CIITA: variants seen among roughly 807,000 people sequenced by gnomAD.
CIITA encodes MHC class II transactivator.
CIITA carries 72 observed loss-of-function variants against 115.1 expected under a neutral mutation model. That is an observed-to-expected ratio of 0.63 (90% CI 0.52 to 0.76). CIITA has a LOEUF of 0.76. Among genes scored for constraint, CIITA ranks in the 30% least tolerant of loss-of-function variants. The probability of loss-of-function intolerance (pLI) is 0.00; values close to 1 mark genes in which losing one functional copy is unlikely to be tolerated. For synonymous variants in CIITA, 763 were observed against 635.6 expected, an observed-to-expected ratio of 1.20 and a Z score of -3.02; for missense variants, 1,617 against 1,463.8, an observed-to-expected ratio of 1.10 and a Z score of -1.71.
intron 1 of CIITA, among the ~76,000 whole-genome samples, chr16:10,880,400 GA>G (rs923278309): frequency 5.9e-5 from 9 of 152,352 alleles, no homozygotes; most frequent in African/African-American, 1.9e-4. Context: ...GAGACACTGG[GA>G]GGCGCTGATG....
chr16:10,899,315 C>T (rs149290342), intron 5 of CIITA, among the ~76,000 whole-genome samples: 59 of 152,326 alleles, frequency 3.9e-4, no homozygotes, highest in Admixed American at 1.4e-3. Context: ...TTTCAAGCCT[C>T]GGGGCCTTTG....
intron 2 of CIITA, 82 bp downstream of exon 2, chr16:10,895,510 G>C: frequency 1.3e-6 from 2 of 1,592,226 alleles, no homozygotes; most frequent in Middle Eastern, 1.7e-4. Context: ...GGAAATTCTG[G>C]TCCCTGCCCT....
At chr16:10,886,600 C>G (rs532263816) in intron 1 of CIITA, among the ~76,000 whole-genome samples, 1 of 152,208 alleles carries the variant, frequency 6.6e-6, no homozygotes, top group Non-Finnish European at 1.5e-5. Context: ...CCCACAAACC[C>G]GTGTAACCAA....
intron 3 of CIITA, among the ~76,000 whole-genome samples, chr16:10,896,780 A>G (rs1022493659): frequency 2.6e-5 from 4 of 152,268 alleles, no homozygotes; most frequent in African/African-American, 9.6e-5. Flanking sequence ...AGCAGCATTC[A>G]GCAGTTCTGT....
rs2040644823 is a variant in CIITA, at chr16:10,928,784, G to C, written c.*4929G>C. 1 of 152,336 alleles carries C rather than the reference G, an allele frequency of 6.6e-6. No homozygotes were observed. Among genetic ancestry groups the C allele is most frequent in the Non-Finnish European group, 1.5e-5 (1 of 68,086 alleles). 9.4% of individuals were successfully genotyped at this position (152,336 alleles called of 1,614,324 possible). On this transcript the variant is annotated 3_prime_UTR_variant, in exon 20 of 20. Transcript: ENST00000324288. ...CTTTCACGCCAGCCCGACTGGGGCAGACTCTCTCAACCCCACTGGATCTTC... is the reference window on the plus strand; with the variant it reads ...CTTTCACGCCAGCCCGACTGGGGCACACTCTCTCAACCCCACTGGATCTTC...
In CIITA at chr16:10,923,299, G is replaced by A. The variant is rs1032824240; in HGVS notation, c.3389G>A (p.Arg1130Lys). ...CAACAGGATTCACGGATCAGCCTGAGATGATCCCAGCTGTGCTCTGGACAG... is the reference window on the plus strand; with the variant it reads ...CAACAGGATTCACGGATCAGCCTGAAATGATCCCAGCTGTGCTCTGGACAG... ...LQQQDSRISL[R>K] Residue 1130 changes from arginine (R) to lysine (K), a missense_variant, in exon 19 of 20, where the codon AGA becomes AAA. By Grantham distance (26) the Arg-to-Lys change is conservative. Transcript: ENST00000324288. The surrounding 1 kb of genome is among the most constrained non-coding windows in gnomAD (Gnocchi z 5.2). The A allele has an allele frequency of 7.0e-7, 1 of 1,436,566 alleles. No homozygotes were observed. The highest frequency in any genetic ancestry group is 9.4e-7 in the Non-Finnish European group (1 of 1,063,750). 89.0% of individuals were successfully genotyped at this position (1,436,566 alleles called of 1,614,324 possible).
intron 1 of CIITA, among the ~76,000 whole-genome samples, chr16:10,889,208 T>C (rs2037282078): frequency 6.6e-6 from 1 of 152,116 alleles, no homozygotes; most frequent in Non-Finnish European, 1.5e-5. Context: ...TCCATCCCGC[T>C]CTGGCAATGT....
At chr16:10,882,081 G>A (rs1202502461) in intron 1 of CIITA, among the ~76,000 whole-genome samples, 3 of 152,138 alleles carry the variant, frequency 2.0e-5, no homozygotes, top group Non-Finnish European at 4.4e-5. Flanking sequence ...AGACACTTGG[G>A]TTGTTCCTAC....
At chr16:10,918,331 A>T in intron 15 of CIITA, 109 bp from the exon 16 acceptor site, 2 of 976,682 alleles carry the variant, frequency 2.0e-6, no homozygotes, top group Non-Finnish European at 3.3e-6. Context: ...GAGGTAGCTT[A>T]AGTCTGTCGA....
chr16:10,906,546 G>C lies in CIITA; in HGVS notation c.1054G>C (p.Glu352Gln), dbSNP rs752576726. The C allele has an allele frequency of 6.2e-7, 1 of 1,612,782 alleles. No individual in the cohort carries two copies. The highest frequency in any genetic ancestry group is 1.7e-5 in the Admixed American group (1 of 60,026). Residue 352 changes from glutamate to glutamine, a missense_variant, in exon 11 of 20, where the codon GAG (glutamate) becomes CAG (glutamine). Coordinates refer to ENST00000324288, the MANE Select transcript of CIITA (RefSeq NM_000246.4). ...CTCACTGCAGGACACGTATGGTGCC[G>C]AGCCCGCAGGCCCGGATGGCATCCT... Reference protein sequence around the residue: ...YRSLQDTYGAEPAGPDGILVE... With the variant: ...YRSLQDTYGAQPAGPDGILVE...
chr16:10,887,991 C>T (rs1479780062), intron 1 of CIITA, among the ~76,000 whole-genome samples: 1 of 152,198 alleles, frequency 6.6e-6, no homozygotes, highest in Non-Finnish European at 1.5e-5. Flanking sequence ...ACAACAATCT[C>T]CCAGAGTTGC....
intron 8 of CIITA, among the ~76,000 whole-genome samples, chr16:10,903,487 C>T (rs1459158838): frequency 2.6e-5 from 4 of 152,186 alleles, no homozygotes; most frequent in African/African-American, 9.7e-5. Flanking sequence ...GTAGTACCTG[C>T]CCTAAGTTCC....
At chr16:10,895,144 A>G (rs1482270705) in intron 1 of CIITA, 138 bp from the exon 2 acceptor site, 9 of 933,340 alleles carry the variant, frequency 9.6e-6, no homozygotes, top group Non-Finnish European at 1.5e-5. Context: ...CACGCTGAGC[A>G]TATAAGAGGT....
chr16:10,894,277 C>T lies in CIITA; in HGVS notation c.53-1005C>T, dbSNP rs1205291134. ...ATTTTTTTTAAGGTTCATCCATGTT[C>T]CAGCATGTATCAGTGCTTTCTCCCT... On this transcript the variant is annotated intron_variant, in intron 1 of 19. Coordinates refer to ENST00000324288, the MANE Select transcript of CIITA (RefSeq NM_000246.4). 2.6e-5 allele frequency among the ~76,000 whole-genome samples: 4 copies of T among 152,104 alleles called. No individual in the cohort carries two copies. The East Asian group carries it at 7.7e-4, about 29-fold the overall frequency.
chr16:10,899,082 C>A, intron 5 of CIITA, 80 bp downstream of exon 5: 4 of 1,382,080 alleles, frequency 2.9e-6, no homozygotes, highest in Non-Finnish European at 3.1e-6. Flanking sequence ...GCTGTGGGTC[C>A]AACTTGCTTC....
intron 14 of CIITA, among the ~76,000 whole-genome samples, chr16:10,915,993 C>T (rs931877617): frequency 2.0e-5 from 3 of 152,194 alleles, no homozygotes; most frequent in Non-Finnish European, 2.9e-5. Context: ...CCTTTCGTGA[C>T]CTTTGAAACT....
In CIITA at chr16:10,929,388, G is replaced by A. The variant is rs2040677750; in HGVS notation, c.*5533G>A. The A allele has an allele frequency of 1.0e-6, 1 of 985,892 alleles. No individual in the cohort carries two copies. Among genetic ancestry groups the A allele is most frequent in the Non-Finnish European group, 1.2e-6 (1 of 829,956 alleles). 61.1% of individuals were successfully genotyped at this position (985,892 alleles called of 1,614,324 possible). ...GCAAATAATCAGAAGCCAAGGCCAG[G>A]CCATCGATTTGACACTGCAGGCAGA... On this transcript the variant is annotated 3_prime_UTR_variant, in exon 20 of 20. Coordinates refer to ENST00000324288, the MANE Select transcript of CIITA (RefSeq NM_000246.4). The surrounding 1 kb of genome is among the most constrained non-coding windows in gnomAD (Gnocchi z 4.3).
At chr16:10,887,987 A>G (rs1176074068) in intron 1 of CIITA, among the ~76,000 whole-genome samples, 1 of 152,128 alleles carries the variant, frequency 6.6e-6, no homozygotes, top group Non-Finnish European at 1.5e-5. Context: ...AATAACAACA[A>G]TCTCCCAGAG....
chr16:10,911,020 A>G (rs1281394959), intron 13 of CIITA, among the ~76,000 whole-genome samples: 1 of 75,074 alleles, frequency 1.3e-5, no homozygotes, highest in Non-Finnish European at 3.4e-5. Context: ...ATGTGTGGCC[A>G]GGGCTGGGGG....
Sources: gnomAD v4.1 joint callset for allele counts (sites outside exome capture counted in the v4.1 genomes callset) on GRCh38, gnomAD v4.1.1 for gene constraint, Gnocchi (gnomAD v3.1) non-coding constraint, MANE v1.5 for transcripts, NCBI Gene and HGNC (gene_info 2026-07-23, HGNC 2026-07-21) for gene names.